Variants in TAOK1 observed in about 807,000 individuals in gnomAD.
TAOK1 encodes serine/threonine-protein kinase TAO1.
TAOK1 carries 21 observed loss-of-function variants against 138.3 expected under a neutral mutation model. The ratio of observed to expected loss-of-function variants is 0.15; its 90% CI spans 0.11 to 0.22. The LOEUF is 0.22. TAOK1 is among the 10% of genes least tolerant of loss of function. The probability of loss-of-function intolerance (pLI) is 1.00; values close to 1 mark genes in which losing one functional copy is unlikely to be tolerated. For missense variants in TAOK1, 651 were observed against 1,227.7 expected, an observed-to-expected ratio of 0.53 and a Z score of 7.02; for synonymous variants, 361 against 398.4, an observed-to-expected ratio of 0.91 and a Z score of 1.12.
intron 2 of TAOK1, among the ~76,000 whole-genome samples, chr17:29,466,429 C>T (rs1056285015): frequency 2.6e-5 from 4 of 152,154 alleles, no homozygotes; most frequent in African/African-American, 7.2e-5. Flanking sequence ...CAGGTGTGAG[C>T]CACCACGCCC....
chr17:29,426,057 T>C (rs1905628388), intron 1 of TAOK1, among the ~76,000 whole-genome samples: 1 of 152,156 alleles, frequency 6.6e-6, no homozygotes, highest in Non-Finnish European at 1.5e-5. Flanking sequence ...ATTTTTTGTA[T>C]TTTTAGTAGA....
chr17:29,445,065 G>A (rs1239818812), intron 1 of TAOK1, among the ~76,000 whole-genome samples: 4 of 152,122 alleles, frequency 2.6e-5, no homozygotes, highest in South Asian at 2.1e-4. Context: ...CTAGTACAGC[G>A]TTGATTAGGA....
intron 17 of TAOK1, among the ~76,000 whole-genome samples, chr17:29,529,139 T>C (rs2032062282): frequency 2.6e-5 from 4 of 152,068 alleles, no homozygotes; most frequent in African/African-American, 2.4e-5. Context: ...GCCTGGCTAA[T>C]TTTAAAAATT....
intron 18 of TAOK1, among the ~76,000 whole-genome samples, chr17:29,530,961 A>ATTTTTTTTTTTTTTTT (rs1189516085): frequency 2.5e-4 from 10 of 39,246 alleles, no homozygotes; most frequent in African/African-American, 1.1e-3. Flanking sequence ...TACAAGTACA[A>ATTTTTTTTTTTTTTTT]ATTTTTTTTT....
chr17:29,494,842 A>AG (rs2031380734), intron 10 of TAOK1, among the ~76,000 whole-genome samples: 1 of 151,724 alleles, frequency 6.6e-6, no homozygotes, highest in South Asian at 2.1e-4. Flanking sequence ...AAAAAAAAAA[A>AG]AAAAAAGAAT....
rs1011627879 is a variant in TAOK1 at position 29,451,492 on chromosome 17, C to T, written c.-57C>T. 2 of 1,517,724 alleles carry T rather than the reference C, an allele frequency of 1.3e-6. No individual in the cohort carries two copies. The highest frequency in any genetic ancestry group is 4.3e-5 in the Admixed American group (2 of 46,306). 94.0% of individuals were successfully genotyped at this position (1,517,724 alleles called of 1,614,324 possible). ...ACGTGACTTCATTCATACAGATGAA[C>T]CAAGGATCGGGATAGCAGTATAAAA... On this transcript the variant is annotated 5_prime_UTR_variant, in exon 2 of 20. Transcript: ENST00000261716.
intron 1 of TAOK1, among the ~76,000 whole-genome samples, chr17:29,431,691 G>C (rs1905836728): frequency 6.6e-6 from 1 of 151,646 alleles, no homozygotes; most frequent in East Asian, 1.9e-4. Context: ...CCAGGCTGGA[G>C]TGCAATGGCG....
chr17:29,429,800 AC>A (rs1905767349), intron 1 of TAOK1, among the ~76,000 whole-genome samples: 1 of 151,912 alleles, frequency 6.6e-6, no homozygotes, highest in African/African-American at 2.4e-5. Flanking sequence ...ACACCACCCA[AC>A]CCTTCAGGCA....
rs566183846 is a variant in TAOK1, at chr17:29,510,797, T to C, written c.1576-67T>C. On this transcript the variant is annotated intron_variant, in intron 14 of 19. Transcript: ENST00000261716. ...CTTAGAAAATAAAAGGTATTCTTAA[T>C]GATGTATATTAAACCACTACTTTAT... 9.1e-6 allele frequency: 10 copies of C among 1,103,334 alleles called. No individual in the cohort carries two copies. The South Asian group carries it at 2.5e-4, about 27-fold the overall frequency. 68.3% of individuals were successfully genotyped at this position (1,103,334 alleles called of 1,614,324 possible). A position where few individuals can be genotyped will look rare whatever the true frequency, so the allele number is the denominator to read the frequency against.
At chr17:29,435,463 T>C (rs73274696) in intron 1 of TAOK1, among the ~76,000 whole-genome samples, 5,347 of 152,252 alleles carry the variant, frequency 0.035, 291 homozygotes, top group African/African-American at 0.12. Context: ...GCCTTTTAGA[T>C]TGGCTTTGAT....
At chr17:29,430,393 T>A (rs1382389014) in intron 1 of TAOK1, among the ~76,000 whole-genome samples, 1 of 152,180 alleles carries the variant, frequency 6.6e-6, no homozygotes, top group Non-Finnish European at 1.5e-5. Context: ...GAGGCTGATG[T>A]GAAGTTACAA....
chr17:29,495,786 G>T, intron 11 of TAOK1, 59 bp downstream of exon 11: 1 of 1,371,944 alleles, frequency 7.3e-7, no homozygotes, highest in South Asian at 2.0e-5. Context: ...CTTTCCTTAT[G>T]CAGCTTGCCC....
At chr17:29,438,404 G>A (rs1319216058) in intron 1 of TAOK1, among the ~76,000 whole-genome samples, 2 of 152,168 alleles carry the variant, frequency 1.3e-5, no homozygotes, top group African/African-American at 4.8e-5. Context: ...TCTGGTTCTG[G>A]CTGGATGCAG....
chr17:29,443,171 A>G (rs552901200), intron 1 of TAOK1, among the ~76,000 whole-genome samples: 2 of 152,330 alleles, frequency 1.3e-5, no homozygotes, highest in Non-Finnish European at 2.9e-5. Context: ...AAAGGGCTTT[A>G]TAATATTAAA....
chr17:29,451,340 C>T (rs1598486256), intron 1 of TAOK1, 115 bp from the exon 2 acceptor site: 2 of 402,198 alleles, frequency 5.0e-6, no homozygotes, highest in South Asian at 5.8e-5. Flanking sequence ...ACCCACACTG[C>T]CTTTTCAGTG....
At chr17:29,526,353 C>A (rs1357059800) in intron 17 of TAOK1, among the ~76,000 whole-genome samples, 1 of 152,154 alleles carries the variant, frequency 6.6e-6, no homozygotes, top group Non-Finnish European at 1.5e-5. Context: ...GCAGAAGATA[C>A]TATCTAAATT....
chr17:29,501,385 T>C (rs1272827679), intron 12 of TAOK1, among the ~76,000 whole-genome samples: 1 of 149,984 alleles, frequency 6.7e-6, no homozygotes, highest in Admixed American at 6.7e-5. Context: ...ATCATACCAC[T>C]GCACTGCATT....
At position 29,468,367 on chromosome 17, in the gene TAOK1, C is replaced by T. The variant is rs575513215; in HGVS notation, c.204+1151C>T. On this transcript the variant is annotated intron_variant, in intron 3 of 19. Coordinates refer to ENST00000261716, the MANE Select transcript of TAOK1 (RefSeq NM_020791.4). The stretch of plus-strand genomic sequence containing the variant: ...GGCCAGACTGTTCTCGAACTCCTGA[C>T]CTCAGGCAATCTGCCTGCCTCGGCC... Among the ~76,000 whole-genome samples, 89 of 151,794 alleles carry T rather than the reference C, an allele frequency of 5.9e-4. 1 individual carries two copies. Among genetic ancestry groups the T allele is most frequent in the African/African-American group, 2.1e-3 (85 of 41,362 alleles).
At chr17:29,394,150 G>GTCTTTTTTT (rs1904514249) in intron 1 of TAOK1, among the ~76,000 whole-genome samples, 1 of 48,246 alleles carries the variant, frequency 2.1e-5, no homozygotes, top group Non-Finnish European at 3.6e-5. Flanking sequence ...TAATTTGCCA[G>GTCTTTTTTT]TTTTTTTTTT....
Sources: gnomAD v4.1 joint callset for allele counts (sites outside exome capture counted in the v4.1 genomes callset) on GRCh38, gnomAD v4.1.1 for gene constraint, MANE v1.5 for transcripts, NCBI Gene and HGNC (gene_info 2026-07-23, HGNC 2026-07-21) for gene names.